POU6F2: variants seen among roughly 807,000 people sequenced by gnomAD.
POU6F2 encodes the protein POU class 6 homeobox 2.
In POU6F2, 31 loss-of-function variants were observed where a neutral mutation model predicts 71.3. The ratio of observed to expected loss-of-function variants is 0.43; its 90% CI spans 0.33 to 0.59. POU6F2 has a LOEUF of 0.59. Among genes scored for constraint, POU6F2 ranks in the 20% least tolerant of loss-of-function variants. POU6F2 has a pLI of 0.04. For missense variants in POU6F2, 783 were observed against 856.8 expected, an observed-to-expected ratio of 0.91 and a Z score of 1.07; for synonymous variants, 347 against 355.7, an observed-to-expected ratio of 0.98 and a Z score of 0.27.
chr7:39,322,041 C>T (rs1785407508), intron 4 of POU6F2, among the ~76,000 whole-genome samples: 1 of 152,202 alleles, frequency 6.6e-6, no homozygotes, highest in Non-Finnish European at 1.5e-5. Context: ...TCTCATCCTC[C>T]TCTAAATAGC....
At chr7:39,438,783 G>A (rs995599945) in intron 7 of POU6F2, among the ~76,000 whole-genome samples, 2 of 152,186 alleles carry the variant, frequency 1.3e-5, no homozygotes, top group East Asian at 1.9e-4. Context: ...CCAATTATGT[G>A]GTTGATTTTA....
chr7:39,029,950 C>A (rs1584508184), intron 1 of POU6F2, among the ~76,000 whole-genome samples: 1 of 152,022 alleles, frequency 6.6e-6, no homozygotes, highest in African/African-American at 2.4e-5. Context: ...CTAATAGGAC[C>A]TTTTGCATCT....
chr7:39,010,866 T>G (rs971470154), intron 1 of POU6F2, among the ~76,000 whole-genome samples: 8 of 151,766 alleles, frequency 5.3e-5, no homozygotes, highest in Admixed American at 2.6e-4. Flanking sequence ...AGTGCTAGTT[T>G]GATTGCACTG....
At chr7:39,333,562 C>T (rs1411104209) in intron 4 of POU6F2, among the ~76,000 whole-genome samples, 1 of 152,088 alleles carries the variant, frequency 6.6e-6, no homozygotes. Flanking sequence ...CATGGTGAAA[C>T]CCCATCTCTA....
At chr7:39,266,214 T>TA (rs1784237069) in intron 4 of POU6F2, among the ~76,000 whole-genome samples, 1 of 152,188 alleles carries the variant, frequency 6.6e-6, no homozygotes, top group African/African-American at 2.4e-5. Flanking sequence ...AAAAAGTTTT[T>TA]ATGCTTAAAA....
intron 9 of POU6F2, among the ~76,000 whole-genome samples, chr7:39,462,739 A>T (rs1788978940): frequency 6.6e-6 from 1 of 152,346 alleles, no homozygotes; most frequent in Non-Finnish European, 1.5e-5. Context: ...TATTGAAAGT[A>T]AATGTACTCC....
chr7:38,998,445 A>C (rs975747081), intron 1 of POU6F2, among the ~76,000 whole-genome samples: 3 of 152,192 alleles, frequency 2.0e-5, no homozygotes, highest in African/African-American at 7.2e-5. Context: ...AGTTTACATC[A>C]CATACAATAT....
intron 2 of POU6F2, among the ~76,000 whole-genome samples, chr7:39,103,370 G>A (rs1457645267): frequency 6.6e-6 from 1 of 152,168 alleles, no homozygotes; most frequent in African/African-American, 2.4e-5. Context: ...TCTCCCATTG[G>A]AGGGAGATGG....
At chr7:39,322,732 A>G (rs1433395679) in intron 4 of POU6F2, among the ~76,000 whole-genome samples, 1 of 152,244 alleles carries the variant, frequency 6.6e-6, no homozygotes, top group Non-Finnish European at 1.5e-5. Flanking sequence ...ATGGCTCCAG[A>G]TGCATCCAGA....
chr7:39,416,898 C>T (rs944886496), intron 6 of POU6F2, among the ~76,000 whole-genome samples: 13 of 151,890 alleles, frequency 8.6e-5, no homozygotes, highest in Admixed American at 5.9e-4. Flanking sequence ...ATATCCTGAA[C>T]CAATTCCAGT....
At chr7:38,987,045 T>C (rs1014476674) in intron 1 of POU6F2, among the ~76,000 whole-genome samples, 1 of 152,176 alleles carries the variant, frequency 6.6e-6, no homozygotes, top group African/African-American at 2.4e-5. Context: ...GTCTAACAAG[T>C]AGAGAAGTTT....
At chr7:39,231,632 T>C (rs1794576588) in intron 4 of POU6F2, among the ~76,000 whole-genome samples, 1 of 152,072 alleles carries the variant, frequency 6.6e-6, no homozygotes, top group Non-Finnish European at 1.5e-5. Flanking sequence ...TCCTGGCCAA[T>C]AGAATGTGGG....
intron 1 of POU6F2, among the ~76,000 whole-genome samples, chr7:39,011,700 C>G (rs1331325167): frequency 1.3e-5 from 2 of 151,070 alleles, no homozygotes; most frequent in Non-Finnish European, 3.0e-5. Context: ...CCTTCAGGAG[C>G]TCTTGTAGGG....
At chr7:39,149,218 A>G (rs1480660923) in intron 2 of POU6F2, among the ~76,000 whole-genome samples, 1 of 152,130 alleles carries the variant, frequency 6.6e-6, no homozygotes, top group Non-Finnish European at 1.5e-5. Flanking sequence ...TCTAGACAAG[A>G]TGTGGACTTT....
chr7:39,299,615 A>G (rs1225756106), intron 4 of POU6F2, among the ~76,000 whole-genome samples: 1 of 152,242 alleles, frequency 6.6e-6, no homozygotes, highest in Non-Finnish European at 1.5e-5. Flanking sequence ...GGCTTCATTC[A>G]TAATTGAATG....
intron 2 of POU6F2, among the ~76,000 whole-genome samples, chr7:39,170,461 A>C (rs1394809504): frequency 6.6e-6 from 1 of 152,112 alleles, no homozygotes; most frequent in Non-Finnish European, 1.5e-5. Flanking sequence ...AAATTTCCCA[A>C]TTTCCCAACT....
At chr7:39,109,117 C>T (rs995396805) in intron 2 of POU6F2, among the ~76,000 whole-genome samples, 2 of 152,164 alleles carry the variant, frequency 1.3e-5, no homozygotes, top group African/African-American at 4.8e-5. Context: ...GTGATCATGA[C>T]TCACTGCAGC....
intron 5 of POU6F2, among the ~76,000 whole-genome samples, chr7:39,347,197 C>CT (rs1786048388): frequency 6.6e-6 from 1 of 152,162 alleles, no homozygotes; most frequent in Admixed American, 6.5e-5. Flanking sequence ...ATCCTGCCTA[C>CT]TTTTTTTCCA....
intron 2 of POU6F2, among the ~76,000 whole-genome samples, chr7:39,119,165 G>A (rs2128727198): frequency 6.6e-6 from 1 of 152,266 alleles, no homozygotes. Flanking sequence ...ACACAGGGGA[G>A]GCAAGGTCTG....
Sources: allele counts gnomAD v4.1 joint callset (sites outside exome capture counted in the v4.1 genomes callset), GRCh38; gene constraint gnomAD v4.1.1; transcripts MANE v1.5; gene names NCBI Gene and HGNC (gene_info 2026-07-23, HGNC 2026-07-21).